The following ANKRD45 variants were observed in gnomAD, a reference collection of about 807,000 sequenced individuals.
ANKRD45 encodes ankyrin repeat domain 45.
In ANKRD45, 21 loss-of-function variants were observed where a neutral mutation model predicts 28.1. That is an observed-to-expected ratio of 0.75 (90% CI 0.53 to 1.08). ANKRD45 has a LOEUF of 1.08. Among genes scored for constraint, ANKRD45 ranks in the 50% least tolerant of loss-of-function variants. The pLI is 0.00. For missense variants in ANKRD45, 261 were observed against 308.7 expected, an observed-to-expected ratio of 0.85 and a Z score of 1.16; for synonymous variants, 86 against 103.9, an observed-to-expected ratio of 0.83 and a Z score of 1.05.
intron 5 of ANKRD45, among the ~76,000 whole-genome samples, chr1:173,616,077 T>C (rs1667456236): frequency 6.6e-6 from 1 of 151,260 alleles, no homozygotes; most frequent in Non-Finnish European, 1.5e-5. Flanking sequence ...CACTCCAGCC[T>C]GGGCAACAGA....
chr1:173,692,896 C>A, the ANKRD45 span, among the ~76,000 whole-genome samples: 1 of 152,316 alleles, frequency 6.6e-6, no homozygotes, highest in South Asian at 2.1e-4. Flanking sequence ...CTGTGTGAAA[C>A]CACGTTCACC....
At chr1:173,695,382 G>A in the ANKRD45 span, among the ~76,000 whole-genome samples, 1 of 151,992 alleles carries the variant, frequency 6.6e-6, no homozygotes, top group African/African-American at 2.4e-5. Context: ...ATTCCCCAGT[G>A]TTTATTGTTG....
intron 2 of ANKRD45, among the ~76,000 whole-genome samples, chr1:173,655,900 C>G (rs1431981581): frequency 6.6e-6 from 1 of 152,240 alleles, no homozygotes; most frequent in Non-Finnish European, 1.5e-5. Flanking sequence ...GGGCATGGGA[C>G]CCGCCAAGCC....
the ANKRD45 span, among the ~76,000 whole-genome samples, chr1:173,703,437 C>A: frequency 6.6e-6 from 1 of 151,898 alleles, no homozygotes; most frequent in African/African-American, 2.4e-5. Context: ...AACTCCTGAC[C>A]TCAGGTGATC....
In ANKRD45 at chr1:173,608,663, C is replaced by G. The variant is rs1667021859; in HGVS notation, c.*1482G>C. On this transcript the variant is annotated 3_prime_UTR_variant, in exon 6 of 6. Coordinates refer to ENST00000333279, the MANE Select transcript of ANKRD45 (RefSeq NM_198493.3). ...TTACCCAAGCATGGTGGGAGGATCA[C>G]TTGAGTGCAGGAGTTACAGGTTACA... Among the ~76,000 whole-genome samples, 1 of 151,018 alleles carries G rather than the reference C, an allele frequency of 6.6e-6. No individual in the cohort carries two copies. The highest frequency in any genetic ancestry group is 1.5e-5 in the Non-Finnish European group (1 of 67,878).
chr1:173,641,128 T>A (rs1256529376), intron 3 of ANKRD45, among the ~76,000 whole-genome samples: 1 of 152,224 alleles, frequency 6.6e-6, no homozygotes, highest in African/African-American at 2.4e-5. Context: ...AACTAGGGTG[T>A]CTATTGTGAA....
At chr1:173,704,709 G>A in the ANKRD45 span, among the ~76,000 whole-genome samples, 4 of 152,120 alleles carry the variant, frequency 2.6e-5, no homozygotes, top group Non-Finnish European at 5.9e-5. Flanking sequence ...GGAAGCAGGT[G>A]GTCCAATACC....
intron 3 of ANKRD45, chr1:173,636,996 T>C: frequency 6.5e-7 from 1 of 1,535,260 alleles, no homozygotes. Context: ...CACTGCAAAT[T>C]AAAGAAGAAG....
At chr1:173,626,595 T>C (rs931867559) in intron 4 of ANKRD45, among the ~76,000 whole-genome samples, 16 of 152,204 alleles carry the variant, frequency 1.1e-4, no homozygotes, top group Non-Finnish European at 1.9e-4. Flanking sequence ...GTACTATTAA[T>C]ACAGCTTCTG....
At chr1:173,712,869 C>A in the ANKRD45 span, among the ~76,000 whole-genome samples, 10 of 152,270 alleles carry the variant, frequency 6.6e-5, no homozygotes, top group Admixed American at 1.3e-4. Context: ...TGTTAGAACA[C>A]AGATTACTGG....
the ANKRD45 span, among the ~76,000 whole-genome samples, chr1:173,713,746 G>C: frequency 2.0e-5 from 3 of 151,880 alleles, no homozygotes; most frequent in Non-Finnish European, 4.4e-5. Context: ...GACTGCACCA[G>C]TCAGCAGCAA....
At chr1:173,704,406 T>C in the ANKRD45 span, among the ~76,000 whole-genome samples, 24 of 152,236 alleles carry the variant, frequency 1.6e-4, no homozygotes, top group Non-Finnish European at 7.3e-5. Context: ...AAGAGCCTCT[T>C]TATTTCTTAA....
the ANKRD45 span, among the ~76,000 whole-genome samples, chr1:173,692,733 T>C: frequency 6.6e-6 from 1 of 152,178 alleles, no homozygotes; most frequent in Non-Finnish European, 1.5e-5. Flanking sequence ...GTGTTTAACA[T>C]GTGCTTCTAG....
chr1:173,678,525 A>G, the ANKRD45 span, among the ~76,000 whole-genome samples: 1 of 152,220 alleles, frequency 6.6e-6, no homozygotes, highest in Non-Finnish European at 1.5e-5. Flanking sequence ...ACTTTATGCT[A>G]AAAACTCTCA....
chr1:173,669,890 G>A, upstream of ANKRD45: 1 of 169,524 alleles, frequency 5.9e-6, no homozygotes, highest in East Asian at 1.9e-4. Context: ...CTCCTGCGCC[G>A]CGGTTCCGGC....
the ANKRD45 span, among the ~76,000 whole-genome samples, chr1:173,694,788 C>A: frequency 6.6e-6 from 1 of 152,088 alleles, no homozygotes; most frequent in Non-Finnish European, 1.5e-5. Context: ...CAGCTTAGCT[C>A]CCACTTACAA....
At chr1:173,693,927 G>C in the ANKRD45 span, among the ~76,000 whole-genome samples, 1 of 152,188 alleles carries the variant, frequency 6.6e-6, no homozygotes, top group South Asian at 2.1e-4. Context: ...CAATCTGGCT[G>C]GTTTAACTTA....
chr1:173,620,281 A>G (rs1326273391), intron 5 of ANKRD45, among the ~76,000 whole-genome samples: 1 of 152,246 alleles, frequency 6.6e-6, no homozygotes, highest in Non-Finnish European at 1.5e-5. Context: ...TCAAATTAGA[A>G]TTCGATGCTA....
chr1:173,656,583 C>T (rs927426077), intron 2 of ANKRD45, among the ~76,000 whole-genome samples: 2 of 152,164 alleles, frequency 1.3e-5, no homozygotes, highest in African/African-American at 4.8e-5. Context: ...TATGGCCCGA[C>T]ATGGCCAGTT....
Sources: gnomAD v4.1 joint callset for allele counts (sites outside exome capture counted in the v4.1 genomes callset) on GRCh38, gnomAD v4.1.1 for gene constraint, MANE v1.5 for transcripts, NCBI Gene and HGNC (gene_info 2026-07-23, HGNC 2026-07-21) for gene names.